The following PNO1 variants were observed in gnomAD, a reference collection of about 807,000 sequenced individuals.
The protein encoded by PNO1 is partner of NOB1 homolog.
A neutral mutation model predicts 28.4 loss-of-function variants in PNO1; 16 were observed. The ratio of observed to expected loss-of-function variants is 0.56; its 90% confidence interval spans 0.38 to 0.85. PNO1 has a LOEUF of 0.85. Ranked by LOEUF, PNO1 falls within the 40% of genes least tolerant of loss-of-function variation. The pLI, the probability that PNO1 is intolerant of heterozygous loss-of-function variation, is 0.00. For missense variants in PNO1, 304 were observed against 312.2 expected (o/e 0.97, Z 0.20); for synonymous variants, 115 against 110.8 (o/e 1.04, Z -0.24).
intron 2 of PNO1, 129 bp from the exon 3 acceptor site, chr2:68,161,554 A>T: frequency 1.5e-6 from 1 of 660,372 alleles, no homozygotes. Flanking sequence ...TGTCATACAG[A>T]ATATATTAGG....
intron 5 of PNO1, among the ~76,000 whole-genome samples, chr2:68,167,758 T>G (rs1347285961): frequency 6.6e-6 from 1 of 152,230 alleles, no homozygotes; most frequent in Non-Finnish European, 1.5e-5. Flanking sequence ...AGAAGCTGCT[T>G]CTCCTGTTAC....
Position 68,176,175 on chromosome 2 carries a change from G to T in PNO1, c.*1373G>T, listed in dbSNP as rs1674278556. 1 of 151,936 alleles carries T rather than the reference G, an allele frequency of 6.6e-6. No homozygotes were observed. Among genetic ancestry groups the T allele is most frequent in the Non-Finnish European group, 1.5e-5 (1 of 67,970 alleles). 9.4% of individuals were successfully genotyped at this position (151,936 alleles called of 1,614,324 possible). On this transcript the variant is annotated 3_prime_UTR_variant, in exon 7 of 7. Transcript: ENST00000263657. ...TTAGCTAGTTTCTGCCTGTTTAAAT[G>T]GTATTATTTTATACATTACAAAATG...
chr2:68,158,648 A>T, intron 2 of PNO1, 119 bp downstream of exon 2: 1 of 839,608 alleles, frequency 1.2e-6, no homozygotes, highest in Non-Finnish European at 1.8e-6. Context: ...GTCCAGTTTA[A>T]AAATTTACCA....
chr2:68,167,813 C>T (rs914707260), intron 5 of PNO1, among the ~76,000 whole-genome samples: 1 of 152,192 alleles, frequency 6.6e-6, no homozygotes, highest in Non-Finnish European at 1.5e-5. Context: ...ATCGAAGCAT[C>T]CTTTGCTGGC....
At chr2:68,162,685 AATT>A (rs746409913) in intron 5 of PNO1, 22 bp downstream of exon 5, 2 of 1,312,676 alleles carry the variant, frequency 1.5e-6, no homozygotes, top group South Asian at 2.4e-5. Flanking sequence ...ATCTTGAGAA[AATT>A]ATTGTCATAA....
At chr2:68,165,377 A>AAC (rs1553401402) in intron 5 of PNO1, among the ~76,000 whole-genome samples, 1,248 of 61,776 alleles carry the variant, frequency 0.02, 39 homozygotes, top group Non-Finnish European at 0.03. Context: ...AAAAAAAAAA[A>AAC]AACAACAAAA....
In PNO1 at chr2:68,162,341, T is replaced by C; in HGVS notation, c.502+16T>C. ...ATTACAGATGGTGAGTGTGTGTTGG[T>C]CTGCGCTCTTGTGTCGCTGACTTTG... On this transcript the variant is annotated intron_variant, in intron 4 of 6. Coordinates refer to ENST00000263657, the MANE Select transcript of PNO1 (RefSeq NM_020143.4). 6.3e-7 allele frequency: 1 copy of C among 1,587,204 alleles called. No individual in the cohort carries two copies. The highest frequency in any genetic ancestry group is 2.3e-5 in the East Asian group (1 of 43,516).
rs192757813 is a variant in PNO1, at chr2:68,161,955, C to T, written c.441+189C>T. On this transcript the variant is annotated intron_variant, in intron 3 of 6. Coordinates refer to ENST00000263657, the MANE Select transcript of PNO1 (RefSeq NM_020143.4). ...TTCAAAATAATCCTGGCCAACATGG[C>T]GATACTCTCCATCTCTACTAAAAAT... Among the ~76,000 whole-genome samples, 40 of 151,798 alleles carry T rather than the reference C, an allele frequency of 2.6e-4. 1 individual carries two copies. The East Asian group carries it at 6.4e-3, about 24-fold the overall frequency.
At chr2:68,164,271 C>T (rs1020987056) in intron 5 of PNO1, among the ~76,000 whole-genome samples, 3 of 152,054 alleles carry the variant, frequency 2.0e-5, no homozygotes, top group Non-Finnish European at 2.9e-5. Context: ...AGGTGGATGG[C>T]GTGATCTCAG....
intron 6 of PNO1, among the ~76,000 whole-genome samples, chr2:68,174,173 G>C (rs912565915): frequency 1.3e-5 from 2 of 151,984 alleles, no homozygotes; most frequent in Non-Finnish European, 2.9e-5. Flanking sequence ...GGATTTTCTG[G>C]TTCTCAGGCC....
chr2:68,162,021 C>T (rs1276437595), intron 3 of PNO1, among the ~76,000 whole-genome samples: 1 of 152,060 alleles, frequency 6.6e-6, no homozygotes, highest in Non-Finnish European at 1.5e-5. Context: ...TGCCTGCAGT[C>T]CCAGCTACTT....
intron 5 of PNO1, among the ~76,000 whole-genome samples, chr2:68,169,565 G>A (rs920871362): frequency 1.1e-4 from 16 of 152,164 alleles, no homozygotes; most frequent in African/African-American, 3.9e-4. Flanking sequence ...ATGCACTACA[G>A]TTAATTTTAT....
intron 3 of PNO1, among the ~76,000 whole-genome samples, chr2:68,162,000 G>A (rs535381545): frequency 1.2e-4 from 18 of 152,218 alleles, no homozygotes; most frequent in African/African-American, 4.3e-4. Context: ...TTAGCTGGGT[G>A]TGGTAGTGCA....
chr2:68,169,558 C>T (rs1674075406), intron 5 of PNO1, among the ~76,000 whole-genome samples: 2 of 152,150 alleles, frequency 1.3e-5, no homozygotes, highest in African/African-American at 2.4e-5. Context: ...GTACAGTATG[C>T]ACTACAGTTA....
chr2:68,163,663 T>C (rs1455671296), intron 5 of PNO1, among the ~76,000 whole-genome samples: 1 of 152,220 alleles, frequency 6.6e-6, no homozygotes, highest in Non-Finnish European at 1.5e-5. Flanking sequence ...TCTTTAGAAG[T>C]ATATATCTAC....
In PNO1 at chr2:68,164,643, A is replaced by G. The variant is rs115626256; in HGVS notation, c.620+1980A>G. ...ATAGGGATCTCCATCTCTACAAAAA[A>G]TATAAAAATTAGGTGTGATTGTGCA... On this transcript the variant is annotated intron_variant, in intron 5 of 6. Transcript: ENST00000263657. Among the ~76,000 whole-genome samples the G allele has an allele frequency of 3.5e-3, 526 of 152,224 alleles. 2 individuals carry two copies. Among genetic ancestry groups the G allele is most frequent in the African/African-American group, 0.012 (508 of 41,540 alleles).
chr2:68,173,499 C>A, intron 6 of PNO1, 82 bp downstream of exon 6: 2 of 824,922 alleles, frequency 2.4e-6, no homozygotes, highest in Non-Finnish European at 4.2e-6. Context: ...ATTTGCAAAG[C>A]AATTTAGGGT....
intron 5 of PNO1, 44 bp from the exon 6 acceptor site, chr2:68,173,303 C>A: frequency 8.5e-7 from 1 of 1,172,574 alleles, no homozygotes; most frequent in South Asian, 1.2e-5. Flanking sequence ...AGGTGTGAGT[C>A]ATTGCATCCC....
At position 68,174,941 on chromosome 2, in the gene PNO1, A is replaced by C. The variant is rs1184695441; in HGVS notation, c.*139A>C. ...TCTTCCATTCTCAGCCAGAAGCATA[A>C]ACAGAAAAGAAAGATTTAAGAGGAT... is the stretch of plus-strand genomic sequence containing the variant. On this transcript the variant is annotated 3_prime_UTR_variant, in exon 7 of 7. Transcript: ENST00000263657. 1 of 542,616 alleles carries C rather than the reference A, an allele frequency of 1.8e-6. No homozygotes were observed. Among genetic ancestry groups the C allele is most frequent in the South Asian group, 2.6e-5 (1 of 38,712 alleles). The allele number at this position is 542,616 out of a possible 1,614,324, so 33.6% of individuals were successfully genotyped here.
Sources: gnomAD v4.1 joint callset for allele counts (sites outside exome capture counted in the v4.1 genomes callset) on GRCh38, gnomAD v4.1.1 for gene constraint, MANE v1.5 for transcripts, NCBI Gene and HGNC (gene_info 2026-07-23, HGNC 2026-07-21) for gene names.